The following NAA40 variants were observed in gnomAD, a reference collection of about 807,000 sequenced individuals.
NAA40 encodes N-alpha-acetyltransferase 40.
A neutral mutation model predicts 36.6 loss-of-function variants in NAA40; 26 were observed. That is an observed-to-expected ratio of 0.71 (90% confidence interval 0.52 to 0.98). NAA40 has a LOEUF of 0.98. NAA40 is among the 50% of genes least tolerant of loss of function. The pLI is 0.00. For missense variants in NAA40, 237 were observed against 306.5 expected, an observed-to-expected ratio of 0.77 and a Z score of 1.69; for synonymous variants, 129 against 108.4, an observed-to-expected ratio of 1.19 and a Z score of -1.18.
intron 6 of NAA40, 35 bp downstream of exon 6, chr11:63,952,874 C>A: frequency 1.3e-6 from 2 of 1,585,504 alleles, no homozygotes; most frequent in African/African-American, 1.3e-5. Flanking sequence ...CCATATAGCA[C>A]TCAGTTGGAA....
At chr11:63,944,917 AAG>A (rs1491498194) in intron 1 of NAA40, among the ~76,000 whole-genome samples, 32 of 151,196 alleles carry the variant, frequency 2.1e-4, no homozygotes, top group African/African-American at 6.1e-4. Flanking sequence ...AAAAAAAAAA[AAG>A]AAGAGAAAAA....
At chr11:63,941,997 G>A (rs1478450508) in intron 1 of NAA40, among the ~76,000 whole-genome samples, 1 of 152,180 alleles carries the variant, frequency 6.6e-6, no homozygotes, top group Non-Finnish European at 1.5e-5. Flanking sequence ...AACAAAAAAT[G>A]CCATATACAT....
At chr11:63,952,030 G>C (rs944644789) in intron 3 of NAA40, 1 of 538,826 alleles carries the variant, frequency 1.9e-6, no homozygotes, top group Non-Finnish European at 3.3e-6. Flanking sequence ...TGGTTGGGGG[G>C]TGGGCCGTGT....
At position 63,956,162 on chromosome 11, in the gene NAA40, G is replaced by A. The variant is rs1366170452; in HGVS notation, c.*1683G>A. The A allele has an allele frequency of 6.5e-6, 1 of 152,706 alleles. No individual in the cohort carries two copies. Among genetic ancestry groups the A allele is most frequent in the African/African-American group, 2.4e-5 (1 of 41,462 alleles). The allele number at this position is 152,706 out of a possible 1,614,324, so 9.5% of individuals were successfully genotyped here. ...GGAACTCCTTAGAGAGGGCCTTGCA[G>A]CTTTACACTGGAATAAGTCTGCCTC... On this transcript the variant is annotated 3_prime_UTR_variant, in exon 8 of 8. Transcript: ENST00000377793.
intron 2 of NAA40, chr11:63,946,562 C>T (rs538219917): frequency 8.0e-4 from 955 of 1,191,608 alleles, no homozygotes; most frequent in Non-Finnish European, 9.0e-4. Context: ...TCATAGTAAA[C>T]ACTCATTTAT....
chr11:63,946,926 G>A (rs1357274320), intron 2 of NAA40, 25 bp from the exon 3 acceptor site: 3 of 1,613,800 alleles, frequency 1.9e-6, no homozygotes, highest in Non-Finnish European at 8.5e-7. Context: ...TGTCTGTGCT[G>A]TTCCTCTTTT....
At chr11:63,954,182 G>A (rs913146595) in intron 7 of NAA40, 133 bp downstream of exon 7, 1 of 1,321,964 alleles carries the variant, frequency 7.6e-7, no homozygotes, top group African/African-American at 1.5e-5. Context: ...GGTTCAGGGA[G>A]ATGGTATGGC....
Position 63,952,626 on chromosome 11 carries a change from C to A in NAA40, c.410+61C>A, listed in dbSNP as rs548560394. The A allele has an allele frequency of 5.9e-5, 95 of 1,605,336 alleles. 1 individual carries two copies. The East Asian group carries it at 1.5e-3, about 25-fold the overall frequency. ...GACCCTGGCGATGTTCCAGGCACTCCAGCCAGGTGACAAAGCCCCTGGACC... is the reference window on the plus strand; with the variant it reads ...GACCCTGGCGATGTTCCAGGCACTCAAGCCAGGTGACAAAGCCCCTGGACC... On this transcript the variant is annotated intron_variant, in intron 5 of 7. Coordinates refer to ENST00000377793, the MANE Select transcript of NAA40 (RefSeq NM_024771.4).
chr11:63,944,235 T>A (rs1942150957), intron 1 of NAA40, among the ~76,000 whole-genome samples: 1 of 152,140 alleles, frequency 6.6e-6, no homozygotes, highest in South Asian at 2.1e-4. Context: ...TGCAGAAGGT[T>A]AATCGCTCTG....
rs1942178596 is a variant in NAA40, at chr11:63,945,905, CG to C, written c.73del (p.Val25PhefsTer29). 6.2e-7 allele frequency: 1 copy of C among 1,614,068 alleles called. No homozygotes were observed. The highest frequency in any genetic ancestry group is 8.5e-7 in the Non-Finnish European group (1 of 1,180,018). ...TGGAGGAGCGAGCAGCCATGGATGC[CG>C]TTTGTGCCAAAGTGGACGCTGCCAA... Reference protein sequence around the residue: ...RLEERAAMDAVCAKVDAANRL... With the variant: ...RLEERAAMDAXCAKVDAANRL... On this transcript the variant is annotated frameshift_variant, in exon 2 of 8. Coordinates refer to ENST00000377793, the MANE Select transcript of NAA40 (RefSeq NM_024771.4). LOFTEE classifies it high-confidence loss of function.
intron 1 of NAA40, chr11:63,939,397 G>T: frequency 8.4e-7 from 1 of 1,192,128 alleles, no homozygotes; most frequent in Non-Finnish European, 1.0e-6. Context: ...GTCCCCCGCG[G>T]GGACCCTGGG....
intron 1 of NAA40, among the ~76,000 whole-genome samples, chr11:63,941,193 G>A (rs538801435): frequency 6.6e-6 from 1 of 152,338 alleles, no homozygotes; most frequent in South Asian, 2.1e-4. Context: ...GACAGTAAGA[G>A]AGACTTGAAT....
At chr11:63,947,792 T>C (rs1419860464) in intron 3 of NAA40, among the ~76,000 whole-genome samples, 3 of 147,874 alleles carry the variant, frequency 2.0e-5, no homozygotes, top group African/African-American at 7.5e-5. Flanking sequence ...AGTGGTGCGA[T>C]CTCGGCTCAC....
intron 1 of NAA40, among the ~76,000 whole-genome samples, chr11:63,940,201 C>A (rs1942086101): frequency 6.6e-6 from 1 of 152,094 alleles, no homozygotes; most frequent in Non-Finnish European, 1.5e-5. Flanking sequence ...CAGGCGCCCG[C>A]TACTATGCCC....
Position 63,954,629 on chromosome 11 carries a change from A to C in NAA40, c.*150A>C, listed in dbSNP as rs1590761157. 1 of 780,976 alleles carries C rather than the reference A, an allele frequency of 1.3e-6. No individual in the cohort carries two copies. Among genetic ancestry groups the C allele is most frequent in the South Asian group, 2.7e-5 (1 of 37,710 alleles). 48.4% of individuals were successfully genotyped at this position (780,976 alleles called of 1,614,324 possible). A position where few individuals can be genotyped will look rare whatever the true frequency, so the allele number is the denominator to read the frequency against. ...CCTGAGAGCACAGAACCCTGGGGAGAAGTGGTATCAGCTGCTCCTCCTCTC... is the reference window on the plus strand; with the variant it reads ...CCTGAGAGCACAGAACCCTGGGGAGCAGTGGTATCAGCTGCTCCTCCTCTC... On this transcript the variant is annotated 3_prime_UTR_variant, in exon 8 of 8. Coordinates refer to ENST00000377793, the MANE Select transcript of NAA40 (RefSeq NM_024771.4).
chr11:63,953,830 A>G (rs1214503543), intron 6 of NAA40, 142 bp from the exon 7 acceptor site: 3 of 705,864 alleles, frequency 4.3e-6, no homozygotes, highest in African/African-American at 1.8e-5. Context: ...GGGTCCCACT[A>G]TGTTTTCCAG....
At chr11:63,954,314 C>G (rs773153905) in intron 7 of NAA40, 24 bp from the exon 8 acceptor site, 1 of 1,566,546 alleles carries the variant, frequency 6.4e-7, no homozygotes, top group Non-Finnish European at 8.7e-7. Context: ...TGCCACCAAC[C>G]CTTTTCTCCT....
intron 1 of NAA40, among the ~76,000 whole-genome samples, chr11:63,943,482 A>C (rs974088032): frequency 6.6e-6 from 1 of 152,188 alleles, no homozygotes; most frequent in Non-Finnish European, 1.5e-5. Flanking sequence ...ACTATGCAGG[A>C]CATAGGCGCC....
intron 1 of NAA40, among the ~76,000 whole-genome samples, chr11:63,945,345 C>G (rs1942169733): frequency 1.3e-5 from 2 of 152,306 alleles, no homozygotes; most frequent in East Asian, 1.9e-4. Flanking sequence ...CCGGCTCCCA[C>G]AGGAGCTGTG....
Sources: allele counts gnomAD v4.1 joint callset (sites outside exome capture counted in the v4.1 genomes callset), GRCh38; gene constraint gnomAD v4.1.1; transcripts MANE v1.5; gene names NCBI Gene and HGNC (gene_info 2026-07-23, HGNC 2026-07-21).